Variants in ZBTB43 observed in about 807,000 individuals in gnomAD.
ZBTB43 encodes zinc finger and BTB domain-containing protein 43.
In ZBTB43, 6 loss-of-function variants were observed where a neutral mutation model predicts 31.1. That is an observed-to-expected ratio of 0.19 (90% CI 0.11 to 0.38). The LOEUF (loss-of-function observed/expected upper bound fraction) is 0.38, where lower values mean the gene tolerates loss of function less well. ZBTB43 is among the 10% of genes least tolerant of loss of function. ZBTB43 has a pLI of 1.00. For missense variants in ZBTB43, 379 were observed against 602.1 expected (o/e 0.63, Z 3.88); for synonymous variants, 212 against 221.7 (o/e 0.96, Z 0.39).
chr9:126,817,386 C>T (rs1436840507), intron 2 of ZBTB43, among the ~76,000 whole-genome samples: 1 of 152,020 alleles, frequency 6.6e-6, no homozygotes, highest in Admixed American at 6.5e-5. Flanking sequence ...GCTGGGATTA[C>T]AGGCATGAGC....
chr9:126,805,642 G>A (rs1294884013), intron 1 of ZBTB43, among the ~76,000 whole-genome samples: 1 of 152,226 alleles, frequency 6.6e-6, no homozygotes, highest in Non-Finnish European at 1.5e-5. Context: ...CTTTCAGCTA[G>A]GTCGCTGTCA....
In ZBTB43 at chr9:126,833,871, C is replaced by G. The variant is rs776691831; in HGVS notation, c.1362C>G (p.Tyr454Ter). The change falls in exon 3 of 3, where the codon TAC (tyrosine) becomes TAG (stop). Residue 454 changes from tyrosine to a stop codon, truncating the protein, a stop_gained. Transcript: ENST00000373464. LOFTEE classifies it high-confidence loss of function. This position sits in a 1 kb window ranked among gnomAD's most constrained non-coding sequence, Gnocchi z 7.9. ...HRHVTSCTKS[Y>*]EAAKAEQNTT... ...ATGTGACTTCTTGTACTAAGTCCTA[C>G]GAAGCTGCAAAGGCTGAGCAGAATA... 1 of 1,593,236 alleles carries G rather than the reference C, an allele frequency of 6.3e-7. No homozygotes were observed.
At chr9:126,810,187 T>C (rs1240335720) in intron 2 of ZBTB43, among the ~76,000 whole-genome samples, 3 of 150,910 alleles carry the variant, frequency 2.0e-5, no homozygotes, top group African/African-American at 7.3e-5. Flanking sequence ...CATTTGTTTG[T>C]TTATTTGTTT....
intron 2 of ZBTB43, among the ~76,000 whole-genome samples, chr9:126,813,106 G>A (rs574171355): frequency 3.3e-5 from 5 of 151,682 alleles, no homozygotes; most frequent in African/African-American, 7.3e-5. Context: ...TCAGCCTCCC[G>A]AATAGCTGGG....
At position 126,837,498 on chromosome 9, in the gene ZBTB43, G is replaced by GCAAAGC. The variant is rs1165556618; in HGVS notation, c.*3586_*3591dup. The GCAAAGC allele has an allele frequency of 6.0e-6, 1 of 167,156 alleles. No individual in the cohort carries two copies. Among genetic ancestry groups the GCAAAGC allele is most frequent in the Non-Finnish European group, 1.5e-5 (1 of 68,152 alleles). The allele number at this position is 167,156 out of a possible 1,614,324, so 10.4% of individuals were successfully genotyped here. On this transcript the variant is annotated 3_prime_UTR_variant, in exon 3 of 3. Coordinates refer to ENST00000373464, the MANE Select transcript of ZBTB43 (RefSeq NM_014007.4). ...GTGAATTTGAGACGGAGCAGAAGCT[G>GCAAAGC]CAAAGCTGTGCTTTCCCTGGGGAAG...
At chr9:126,820,633 G>C (rs2119138313) in intron 2 of ZBTB43, among the ~76,000 whole-genome samples, 1 of 152,226 alleles carries the variant, frequency 6.6e-6, no homozygotes, top group East Asian at 1.9e-4. Flanking sequence ...GCAGCCCATG[G>C]ACCAAGGAGT....
At chr9:126,820,967 C>CAAAAAAAAA (rs36023653) in intron 2 of ZBTB43, among the ~76,000 whole-genome samples, 10 of 83,492 alleles carry the variant, frequency 1.2e-4, no homozygotes, top group African/African-American at 5.0e-4. Flanking sequence ...ACCCCCATCT[C>CAAAAAAAAA]AAAAAAAAAA....
At position 126,833,631 on chromosome 9, in the gene ZBTB43, T is replaced by C. The variant is rs1564208854; in HGVS notation, c.1122T>C (p.Pro374=). 1 of 1,613,728 alleles carries C rather than the reference T, an allele frequency of 6.2e-7. No homozygotes were observed. The highest frequency in any genetic ancestry group is 2.2e-5 in the East Asian group (1 of 44,846). The change falls in exon 3 of 3, where the codon CCT becomes CCC. Residue 374 remains proline (P), a synonymous_variant. Transcript: ENST00000373464. This position sits in a 1 kb window ranked among gnomAD's most constrained non-coding sequence, Gnocchi z 7.9. ...TCTCAGCCACTGACAAGCTGTATCC[T>C]TGTCAGTGTGGGAAAAGTTTCACTC... ...LGFSATDKLY[P]CQCGKSFTHK... is the part of the protein sequence containing the mutation.
At chr9:126,818,970 C>G (rs896721322) in intron 2 of ZBTB43, among the ~76,000 whole-genome samples, 2 of 152,122 alleles carry the variant, frequency 1.3e-5, no homozygotes, top group Admixed American at 6.6e-5. Context: ...TAGAATTTAC[C>G]AGTGAAGCCA....
chr9:126,828,082 T>C (rs2032681460), intron 2 of ZBTB43, among the ~76,000 whole-genome samples: 1 of 151,810 alleles, frequency 6.6e-6, no homozygotes, highest in Non-Finnish European at 1.5e-5. Flanking sequence ...ATTTGACAAA[T>C]AGTGTTAGAA....
chr9:126,823,553 G>A (rs1478090681), intron 2 of ZBTB43, among the ~76,000 whole-genome samples: 2 of 152,140 alleles, frequency 1.3e-5, no homozygotes, highest in Non-Finnish European at 2.9e-5. Flanking sequence ...TGAGTCTCTT[G>A]TAGACTGCAT....
chr9:126,820,284 A>G (rs62580213), intron 2 of ZBTB43, among the ~76,000 whole-genome samples: 4,671 of 152,280 alleles, frequency 0.031, 94 homozygotes, highest in Non-Finnish European at 0.045. Context: ...TGGCTTCAAA[A>G]GACAAGTTAT....
intron 2 of ZBTB43, among the ~76,000 whole-genome samples, chr9:126,826,336 G>A (rs2032635285): frequency 6.6e-6 from 1 of 151,166 alleles, no homozygotes; most frequent in African/African-American, 2.4e-5. Context: ...TTGTAGAGAT[G>A]GGGTTTCACT....
chr9:126,832,631 G>A lies in ZBTB43; in HGVS notation c.122G>A (p.Gly41Asp). 2 of 1,614,090 alleles carry A rather than the reference G, an allele frequency of 1.2e-6. No individual in the cohort carries two copies. Among genetic ancestry groups the A allele is most frequent in the Non-Finnish European group, 8.5e-7 (1 of 1,180,032 alleles). ...QLCDVSIVVQ[G>D]HIFRAHKAVL... ...TGTGACGTCTCCATTGTTGTCCAAG[G>A]CCACATTTTCCGGGCACACAAAGCC... Residue 41 changes from glycine (G) to aspartate (D), a missense_variant, in exon 3 of 3, where the codon GGC (glycine) becomes GAC (aspartate). Around this residue, in one of 5 missense-constraint regions of ZBTB43, gnomAD observed 79 missense variants for 134.4 expected, o/e 0.59. Transcript: ENST00000373464.
rs2119122732 is a variant in ZBTB43 at position 126,814,503 on chromosome 9, A to AT, written c.-24+5588_-24+5589insT. Among the ~76,000 whole-genome samples, 2 of 151,784 alleles carry AT rather than the reference A, an allele frequency of 1.3e-5. 1 individual carries two copies. The highest frequency in any genetic ancestry group is 3.9e-4 in the East Asian group (2 of 5,140). On this transcript the variant is annotated intron_variant, in intron 2 of 2. Coordinates refer to ENST00000373464, the MANE Select transcript of ZBTB43 (RefSeq NM_014007.4). ...CTTTCAACTTTTCTATGTCTGAAAA[A>AT]GTATTTTGGGCCGGGCGCGGTGGCT... is the stretch of plus-strand genomic sequence containing the variant.
intron 2 of ZBTB43, among the ~76,000 whole-genome samples, chr9:126,817,632 C>T (rs1436242929): frequency 6.6e-6 from 1 of 151,756 alleles, no homozygotes; most frequent in Non-Finnish European, 1.5e-5. Context: ...CCTGCCACCA[C>T]GCCCGGCTAA....
chr9:126,828,580 C>T (rs1345768127), intron 2 of ZBTB43, among the ~76,000 whole-genome samples: 2 of 148,702 alleles, frequency 1.3e-5, no homozygotes, highest in East Asian at 4.0e-4. Flanking sequence ...ATTGCTTGAG[C>T]CCAGGAGTTT....
intron 2 of ZBTB43, among the ~76,000 whole-genome samples, chr9:126,820,489 CCTA>C (rs1449140928): frequency 6.6e-6 from 1 of 152,136 alleles, no homozygotes; most frequent in Non-Finnish European, 1.5e-5. Context: ...ACTGTTGAGA[CCTA>C]CTGCTCAGAA....
intron 2 of ZBTB43, among the ~76,000 whole-genome samples, chr9:126,831,224 C>G (rs1259636270): frequency 6.6e-6 from 1 of 152,170 alleles, no homozygotes; most frequent in African/African-American, 2.4e-5. Flanking sequence ...CAGTTCCTTG[C>G]AATTGCCAAA....
Sources: gnomAD v4.1 joint callset for allele counts (sites outside exome capture counted in the v4.1 genomes callset) on GRCh38, gnomAD v4.1.1 for gene constraint, gnomAD v4.1.1 regional missense constraint, Gnocchi (gnomAD v3.1) non-coding constraint, MANE v1.5 for transcripts, NCBI Gene and HGNC (gene_info 2026-07-23, HGNC 2026-07-21) for gene names.